The following CPNE5 variants were observed in gnomAD, a reference collection of about 807,000 sequenced individuals.
CPNE5 encodes the protein copine-5.
Under a neutral mutation model 81.1 loss-of-function variants are expected in CPNE5, and 42 were observed. The ratio of observed to expected loss-of-function variants is 0.52; its 90% CI spans 0.40 to 0.67. The LOEUF (loss-of-function observed/expected upper bound fraction) is 0.67. Ranked by LOEUF, CPNE5 falls within the 30% of genes least tolerant of loss-of-function variation. The probability of loss-of-function intolerance (pLI) is 0.00; values close to 1 mark genes in which losing one functional copy is unlikely to be tolerated. For synonymous variants in CPNE5, 313 were observed against 321.5 expected, an observed-to-expected ratio of 0.97 and a Z score of 0.28; for missense variants, 612 against 815.5, an observed-to-expected ratio of 0.75 and a Z score of 3.04.
chr6:36,812,807 T>C (rs923022085), intron 3 of CPNE5, among the ~76,000 whole-genome samples: 2 of 152,196 alleles, frequency 1.3e-5, no homozygotes, highest in African/African-American at 2.4e-5. Flanking sequence ...AGGAGGGACC[T>C]CTCTTTGCAG....
intron 1 of CPNE5, among the ~76,000 whole-genome samples, chr6:36,824,116 C>T (rs1772299392): frequency 1.3e-5 from 2 of 152,216 alleles, no homozygotes; most frequent in South Asian, 4.1e-4. Context: ...CCCCTCAGCC[C>T]TCACAGTTCC....
At chr6:36,811,756 A>C (rs2150562804) in intron 3 of CPNE5, among the ~76,000 whole-genome samples, 1 of 152,220 alleles carries the variant, frequency 6.6e-6, no homozygotes, top group Non-Finnish European at 1.5e-5. Flanking sequence ...CAGGGGCTAC[A>C]CACATATTCA....
Position 36,796,551 on chromosome 6 carries a change from C to T in CPNE5, c.404+1614G>A, listed in dbSNP as rs566420792. ...GCTAATGGGTATGCTACACTCAGCA[C>T]ATGGTTAACACTGAAGTGGGCACAG... On this transcript the variant is annotated intron_variant, in intron 6 of 20. Transcript: ENST00000244751. Among the ~76,000 whole-genome samples, 8 of 152,342 alleles carry T rather than the reference C, an allele frequency of 5.3e-5. No individual in the cohort carries two copies. The East Asian group carries it at 1.5e-3, about 29-fold the overall frequency.
intron 11 of CPNE5, among the ~76,000 whole-genome samples, chr6:36,763,634 A>G (rs968145404): frequency 1.3e-5 from 2 of 151,874 alleles, no homozygotes; most frequent in Non-Finnish European, 2.9e-5. Context: ...ATATTGTTCA[A>G]TGTGTCAAGT....
intron 1 of CPNE5, among the ~76,000 whole-genome samples, chr6:36,826,703 AC>A (rs561517767): frequency 4.3e-4 from 65 of 152,296 alleles, no homozygotes; most frequent in South Asian, 8.3e-4. Flanking sequence ...ATGAAGGACG[AC>A]CAAAAAGAAT....
chr6:36,819,902 C>T (rs371744107), intron 3 of CPNE5, among the ~76,000 whole-genome samples: 1 of 152,246 alleles, frequency 6.6e-6, no homozygotes, highest in African/African-American at 2.4e-5. Context: ...CCTCTCCCCC[C>T]ATTCTGGTGC....
chr6:36,781,803 C>T (rs970158029), intron 8 of CPNE5, among the ~76,000 whole-genome samples: 11 of 152,300 alleles, frequency 7.2e-5, no homozygotes, highest in East Asian at 3.9e-4. Flanking sequence ...CACAGGTCCC[C>T]GTGTGACTAC....
rs560174389 is a variant in CPNE5 at position 36,792,191 on chromosome 6, G to A, written c.465-95C>T. Reference sequence around the variant, plus strand: ...ATCAGCCCCCTGCCCATCCTCCCCCGCCCCCTACCATCCAGCAGATCACCC... The same window carrying A: ...ATCAGCCCCCTGCCCATCCTCCCCCACCCCCTACCATCCAGCAGATCACCC... On this transcript the variant is annotated intron_variant, in intron 7 of 20. Transcript: ENST00000244751. 1.9e-4 allele frequency: 168 copies of A among 870,508 alleles called. 1 individual carries two copies. Among genetic ancestry groups the A allele is most frequent in the African/African-American group, 1.4e-3 (71 of 49,380 alleles). 53.9% of individuals were successfully genotyped at this position (870,508 alleles called of 1,614,324 possible). A position where few individuals can be genotyped will look rare whatever the true frequency, so the allele number is the denominator to read the frequency against.
At chr6:36,779,067 C>T (rs751015480) in intron 8 of CPNE5, 110 bp from the exon 9 acceptor site, 6 of 718,278 alleles carry the variant, frequency 8.4e-6, no homozygotes, top group East Asian at 2.5e-5. Context: ...TGGAATGCAC[C>T]GACTAAGTGC....
At chr6:36,776,109 CA>C (rs757273866) in intron 9 of CPNE5, among the ~76,000 whole-genome samples, 2 of 152,194 alleles carry the variant, frequency 1.3e-5, no homozygotes, top group Non-Finnish European at 2.9e-5. Context: ...TGCCCCACGC[CA>C]TGCTTGGCTG....
At chr6:36,783,087 T>A (rs1462264213) in intron 8 of CPNE5, among the ~76,000 whole-genome samples, 1 of 151,982 alleles carries the variant, frequency 6.6e-6, no homozygotes. Context: ...ACTTGCAGAG[T>A]GCCACCTCAT....
At chr6:36,784,640 AC>A (rs1392217759) in intron 8 of CPNE5, among the ~76,000 whole-genome samples, 1 of 152,190 alleles carries the variant, frequency 6.6e-6, no homozygotes, top group African/African-American at 2.4e-5. Context: ...CTCTCTGAGC[AC>A]ATGAAATGCC....
At position 36,745,432 on chromosome 6, in the gene CPNE5, C is replaced by T. The variant is rs771913394; in HGVS notation, c.1284G>A (p.Leu428=). The change falls in exon 17 of 21, where the codon CTG becomes CTA. Residue 428 remains leucine, a synonymous_variant. Transcript: ENST00000244751. Reference sequence around the variant, plus strand: ...CGGGGGCAAAGTTGGTGGGGCCGTACAGCTGCACAGTGCGCAGGCTGCGGT... The same window carrying T: ...CGGGGGCAAAGTTGGTGGGGCCGTATAGCTGCACAGTGCGCAGGCTGCGGT... ...AYHRSLRTVQ[L]YGPTNFAPVV... 2.5e-6 allele frequency: 4 copies of T among 1,607,020 alleles called. No individual in the cohort carries two copies. Among genetic ancestry groups the T allele is most frequent in the Non-Finnish European group, 3.4e-6 (4 of 1,177,444 alleles).
chr6:36,821,647 G>T (rs1442785073), intron 3 of CPNE5, among the ~76,000 whole-genome samples: 1 of 152,166 alleles, frequency 6.6e-6, no homozygotes, highest in Non-Finnish European at 1.5e-5. Flanking sequence ...AGCCAGGGTG[G>T]GTTTTGGAGC....
At chr6:36,761,079 G>A (rs1765975354) in intron 12 of CPNE5, among the ~76,000 whole-genome samples, 1 of 152,212 alleles carries the variant, frequency 6.6e-6, no homozygotes, top group Non-Finnish European at 1.5e-5. Flanking sequence ...TAGCCCGAGA[G>A]AAACAGCTCC....
intron 3 of CPNE5, among the ~76,000 whole-genome samples, chr6:36,818,650 G>T (rs1040291987): frequency 1.3e-5 from 2 of 152,194 alleles, no homozygotes; most frequent in African/African-American, 4.8e-5. Context: ...TGGAAACTGA[G>T]GTGCAGAGAG....
intron 3 of CPNE5, 139 bp downstream of exon 3, chr6:36,821,975 C>T (rs1772092539): frequency 1.4e-6 from 1 of 692,428 alleles, no homozygotes; most frequent in Non-Finnish European, 2.3e-6. Flanking sequence ...GGACTTCATG[C>T]TTTGCACACC....
intron 1 of CPNE5, chr6:36,838,789 C>G (rs1773761412): frequency 5.1e-6 from 5 of 980,808 alleles, no homozygotes; most frequent in Non-Finnish European, 6.1e-6. Flanking sequence ...GAGTCTAGGA[C>G]AGTGGGGTGG....
chr6:36,810,663 TTC>T (rs1156472152), intron 3 of CPNE5, among the ~76,000 whole-genome samples: 1 of 152,188 alleles, frequency 6.6e-6, no homozygotes, highest in African/African-American at 2.4e-5. Context: ...GTCTGGAAAG[TTC>T]TCTCTGGTTC....
Sources: allele counts gnomAD v4.1 joint callset (sites outside exome capture counted in the v4.1 genomes callset), GRCh38; gene constraint gnomAD v4.1.1; transcripts MANE v1.5; gene names NCBI Gene and HGNC (gene_info 2026-07-23, HGNC 2026-07-21).